The following SH3BGRL2 variants were observed in gnomAD, a reference collection of about 807,000 sequenced individuals.
The protein encoded by SH3BGRL2 is SH3 domain binding glutamate rich protein like 2, also known as SH3 domain-binding glutamic acid-rich-like protein 2.
A neutral mutation model predicts 14.8 loss-of-function variants in SH3BGRL2; 21 were observed. The observed-to-expected ratio is 1.42, with a 90% CI of 1.01 to 2.05. SH3BGRL2 has a LOEUF of 2.05. Among genes scored for constraint, SH3BGRL2 ranks in the 30% most tolerant of loss-of-function variants. The probability of loss-of-function intolerance (pLI) is 0.00; values close to 1 mark genes in which losing one functional copy is unlikely to be tolerated. For missense variants in SH3BGRL2, 147 were observed against 130.8 expected, an observed-to-expected ratio of 1.12 and a Z score of -0.61; for synonymous variants, 50 against 47.8, an observed-to-expected ratio of 1.05 and a Z score of -0.19.
the SH3BGRL2 span, among the ~76,000 whole-genome samples, chr6:79,537,966 A>T: frequency 1.0e-4 from 12 of 119,166 alleles, no homozygotes; most frequent in African/African-American, 3.9e-4. Flanking sequence ...AGTGATTTTT[A>T]GGTTTTGGAA....
At chr6:79,598,138 T>C in the SH3BGRL2 span, among the ~76,000 whole-genome samples, 2 of 152,202 alleles carry the variant, frequency 1.3e-5, no homozygotes, top group African/African-American at 4.8e-5. Context: ...CATACAACAC[T>C]GGTGGGTATA....
chr6:79,662,916 C>T (rs1769582789), intron 1 of SH3BGRL2, among the ~76,000 whole-genome samples: 1 of 152,116 alleles, frequency 6.6e-6, no homozygotes, highest in African/African-American at 2.4e-5. Flanking sequence ...TCACTGATAT[C>T]CTTTCTTCCA....
intron 1 of SH3BGRL2, among the ~76,000 whole-genome samples, chr6:79,652,910 G>A (rs1769324486): frequency 6.6e-6 from 1 of 152,084 alleles, no homozygotes; most frequent in Non-Finnish European, 1.5e-5. Flanking sequence ...ACTTAATAGT[G>A]TTTAATCTAC....
At chr6:79,694,679 T>C (rs1397279704) in intron 2 of SH3BGRL2, among the ~76,000 whole-genome samples, 2 of 152,176 alleles carry the variant, frequency 1.3e-5, no homozygotes, top group Non-Finnish European at 2.9e-5. Flanking sequence ...CCCTTCAGAT[T>C]GTTTTTTCTC....
chr6:79,633,934 A>G (rs1392764013), intron 1 of SH3BGRL2, among the ~76,000 whole-genome samples: 1 of 152,218 alleles, frequency 6.6e-6, no homozygotes, highest in Non-Finnish European at 1.5e-5. Context: ...CGTAGCCATG[A>G]TGTGTTCCCT....
chr6:79,567,632 G>T, the SH3BGRL2 span, among the ~76,000 whole-genome samples: 3 of 152,230 alleles, frequency 2.0e-5, no homozygotes, highest in East Asian at 5.8e-4. Flanking sequence ...TTTCTGGCAG[G>T]AATTTACTTA....
the SH3BGRL2 span, among the ~76,000 whole-genome samples, chr6:79,547,674 C>T: frequency 6.6e-6 from 1 of 152,090 alleles, no homozygotes; most frequent in African/African-American, 2.4e-5. Flanking sequence ...AAGTTTTAAA[C>T]TGGACTATAC....
the SH3BGRL2 span, among the ~76,000 whole-genome samples, chr6:79,609,872 C>G: frequency 6.6e-6 from 1 of 152,122 alleles, no homozygotes. Flanking sequence ...TTTAACTGAC[C>G]AAAGAAGGCA....
At chr6:79,693,879 A>G (rs1372969437) in intron 2 of SH3BGRL2, among the ~76,000 whole-genome samples, 1 of 152,212 alleles carries the variant, frequency 6.6e-6, no homozygotes, top group African/African-American at 2.4e-5. Context: ...AGCTTAGATC[A>G]GGTTGGTAGA....
chr6:79,568,650 G>A, the SH3BGRL2 span, among the ~76,000 whole-genome samples: 2 of 152,218 alleles, frequency 1.3e-5, no homozygotes, highest in Admixed American at 1.3e-4. Context: ...TAAGTTGAGA[G>A]GAGTGATGAT....
At chr6:79,543,283 G>A in the SH3BGRL2 span, among the ~76,000 whole-genome samples, 1 of 151,948 alleles carries the variant, frequency 6.6e-6, no homozygotes, top group African/African-American at 2.4e-5. Flanking sequence ...CTAACATTTT[G>A]ACACCTAGTA....
At chr6:79,558,921 GAGA>G in the SH3BGRL2 span, among the ~76,000 whole-genome samples, 5 of 152,110 alleles carry the variant, frequency 3.3e-5, no homozygotes, top group African/African-American at 9.7e-5. Context: ...GCAGGAGGAG[GAGA>G]AGAAGGAGGT....
intron 1 of SH3BGRL2, among the ~76,000 whole-genome samples, chr6:79,671,187 T>A (rs1002366650): frequency 1.3e-5 from 2 of 151,492 alleles, no homozygotes; most frequent in African/African-American, 4.9e-5. Flanking sequence ...ATAGATGAGG[T>A]CAGGCACGGT....
At chr6:79,660,710 A>G (rs1769527058) in intron 1 of SH3BGRL2, among the ~76,000 whole-genome samples, 1 of 152,166 alleles carries the variant, frequency 6.6e-6, no homozygotes, top group Non-Finnish European at 1.5e-5. Context: ...TTTCAGAAGG[A>G]ATGGTACCAG....
chr6:79,616,599 C>A, the SH3BGRL2 span, among the ~76,000 whole-genome samples: 35 of 134,930 alleles, frequency 2.6e-4, no homozygotes, highest in African/African-American at 8.9e-4. Flanking sequence ...TGAGGTAACA[C>A]AGACAGGCTC....
chr6:79,669,333 G>C (rs148050085), intron 1 of SH3BGRL2, among the ~76,000 whole-genome samples: 17 of 152,102 alleles, frequency 1.1e-4, no homozygotes, highest in African/African-American at 4.1e-4. Context: ...CAGCCCTGTT[G>C]TTGGTTGGGA....
chr6:79,646,008 G>T (rs1769136126), intron 1 of SH3BGRL2, among the ~76,000 whole-genome samples: 1 of 152,148 alleles, frequency 6.6e-6, no homozygotes, highest in South Asian at 2.1e-4. Flanking sequence ...GTCATCAGTG[G>T]CATTATTGAC....
intron 1 of SH3BGRL2, among the ~76,000 whole-genome samples, chr6:79,666,134 G>A (rs1319606159): frequency 6.6e-6 from 1 of 152,138 alleles, no homozygotes; most frequent in African/African-American, 2.4e-5. Context: ...CTTAAACAGA[G>A]GTGTTTCAGT....
chr6:79,594,733 A>G, the SH3BGRL2 span, among the ~76,000 whole-genome samples: 1 of 152,166 alleles, frequency 6.6e-6, no homozygotes, highest in South Asian at 2.1e-4. Context: ...GTCTTAGCAA[A>G]TCTGAGAAAC....
Sources: gnomAD v4.1 joint callset for allele counts (sites outside exome capture counted in the v4.1 genomes callset) on GRCh38, gnomAD v4.1.1 for gene constraint, MANE v1.5 for transcripts, NCBI Gene and HGNC (gene_info 2026-07-23, HGNC 2026-07-21) for gene names.